Variants in RALGAPB observed in about 807,000 individuals in gnomAD.
RALGAPB encodes ral GTPase-activating protein subunit beta.
In RALGAPB, 25 loss-of-function variants were observed where a neutral mutation model predicts 161.1. The ratio of observed to expected loss-of-function variants is 0.16; its 90% CI spans 0.11 to 0.22. The LOEUF is 0.22. Ranked by LOEUF, RALGAPB falls within the 10% of genes least tolerant of loss-of-function variation. RALGAPB has a pLI of 1.00. For synonymous variants in RALGAPB, 629 were observed against 626.1 expected (o/e 1.00, Z -0.07); for missense variants, 1,391 against 1,815.2 (o/e 0.77, Z 4.25).
chr20:38,546,264 A>G lies in RALGAPB; in HGVS notation c.2736A>G (p.Ala912=), dbSNP rs1217199298. The change falls in exon 19 of 30, where the codon GCA becomes GCG. Residue 912 remains alanine, a synonymous_variant. Coordinates refer to ENST00000262879, the MANE Select transcript of RALGAPB (RefSeq NM_020336.4). The part of the protein sequence containing the change: ...TLTCIMQLLG[A]FPSPSGPASP... The stretch of plus-strand genomic sequence containing the variant: ...ATAGCATTATGCAGTTGCTCGGCGC[A>G]TTTCCTTCACCTAGTGGTCCTGCCT... 10 of 1,613,948 alleles carry G rather than the reference A, an allele frequency of 6.2e-6. No individual in the cohort carries two copies. Among genetic ancestry groups the G allele is most frequent in the Non-Finnish European group, 6.8e-6 (8 of 1,179,964 alleles).
chr20:38,553,792 A>AC, intron 21 of RALGAPB, 75 bp from the exon 22 acceptor site: 1 of 851,938 alleles, frequency 1.2e-6, no homozygotes, highest in Non-Finnish European at 1.7e-6. Context: ...AAAAAAAAAA[A>AC]AAAAAAAAAC....
intron 24 of RALGAPB, among the ~76,000 whole-genome samples, chr20:38,563,332 T>A (rs1395163362): frequency 6.6e-6 from 1 of 152,164 alleles, no homozygotes; most frequent in Non-Finnish European, 1.5e-5. Flanking sequence ...CTAACAAGCA[T>A]GTTTTGTCTA....
chr20:38,535,653 T>G (rs2086782989), intron 16 of RALGAPB, among the ~76,000 whole-genome samples: 1 of 151,788 alleles, frequency 6.6e-6, no homozygotes, highest in African/African-American at 2.4e-5. Context: ...AGCGTAGTCG[T>G]GCAAACTTGT....
chr20:38,521,645 G>A lies in RALGAPB; in HGVS notation c.1566G>A (p.Arg522=). ...GRAEACGTLC[R]IFCSKKTGEE... is the part of the protein sequence containing the mutation. ...CTGAGGCTTGTGGGACACTGTGTAGGATTTTTTGTAGCAAGAAGACTGGAG... is the reference window on the plus strand; with the variant it reads ...CTGAGGCTTGTGGGACACTGTGTAGAATTTTTTGTAGCAAGAAGACTGGAG... The change falls in exon 10 of 30, where the codon AGG becomes AGA. Residue 522 remains arginine, a synonymous_variant. Coordinates refer to ENST00000262879, the MANE Select transcript of RALGAPB (RefSeq NM_020336.4). 3.1e-6 allele frequency: 5 copies of A among 1,614,172 alleles called. No homozygotes were observed. Among genetic ancestry groups the A allele is most frequent in the Non-Finnish European group, 4.2e-6 (5 of 1,180,012 alleles).
chr20:38,516,255 C>A lies in RALGAPB; in HGVS notation c.936C>A (p.Phe312Leu), dbSNP rs1327352391. ...CTACTCCCAAATTTCAGGAACAGTTCTTGAATGTGAGCGGAATGCCGCAAG... is the reference window on the plus strand; with the variant it reads ...CTACTCCCAAATTTCAGGAACAGTTATTGAATGTGAGCGGAATGCCGCAAG... ...ISSTPKFQEQFLNVSGMPQEL... is the reference protein window; with the variant it reads ...ISSTPKFQEQLLNVSGMPQEL... Residue 312 changes from phenylalanine (F) to leucine (L), a missense_variant, in exon 7 of 30, where the codon TTC becomes TTA. Transcript: ENST00000262879. 6.2e-7 allele frequency: 1 copy of A among 1,613,468 alleles called. No individual in the cohort carries two copies. The highest frequency in any genetic ancestry group is 2.2e-5 in the East Asian group (1 of 44,864).
intron 28 of RALGAPB, among the ~76,000 whole-genome samples, chr20:38,571,285 T>C (rs1205107254): frequency 6.6e-6 from 1 of 152,222 alleles, no homozygotes; most frequent in African/African-American, 2.4e-5. Context: ...TACTGTATTA[T>C]TAGCTGTAGC....
intron 20 of RALGAPB, among the ~76,000 whole-genome samples, chr20:38,549,533 TAAAAAA>T (rs66699514): frequency 7.2e-6 from 1 of 138,594 alleles, no homozygotes; most frequent in Non-Finnish European, 1.6e-5. Context: ...CCAGCCTAAT[TAAAAAA>T]AAAAAAAAAA....
intron 27 of RALGAPB, among the ~76,000 whole-genome samples, chr20:38,570,467 C>G (rs2145533206): frequency 6.6e-6 from 1 of 152,306 alleles, no homozygotes; most frequent in South Asian, 2.1e-4. Context: ...GAAATATATA[C>G]TTGCCTAAAA....
chr20:38,550,819 G>A (rs935855209), intron 20 of RALGAPB, among the ~76,000 whole-genome samples: 1 of 152,194 alleles, frequency 6.6e-6, no homozygotes. Flanking sequence ...GCCTGCAGCA[G>A]TAGAGGTCCA....
chr20:38,513,136 C>T lies in RALGAPB; in HGVS notation c.873-3056C>T, dbSNP rs1028998518. 3.5e-4 allele frequency among the ~76,000 whole-genome samples: 53 copies of T among 151,644 alleles called. 1 individual carries two copies. The highest frequency in any genetic ancestry group is 5.3e-4 in the Non-Finnish European group (36 of 67,914). ...TAATAATAGCACTTTTGGAGGCCAA[C>T]GCGGGTAGATCACCCAAGCTTAGGA... is the stretch of plus-strand genomic sequence containing the variant. On this transcript the variant is annotated intron_variant, in intron 6 of 29. Coordinates refer to ENST00000262879, the MANE Select transcript of RALGAPB (RefSeq NM_020336.4).
chr20:38,518,128 T>G, intron 9 of RALGAPB, 128 bp downstream of exon 9: 1 of 890,240 alleles, frequency 1.1e-6, no homozygotes, highest in Non-Finnish European at 1.7e-6. Context: ...AAGCAATGTC[T>G]TGTGCTTAAC....
chr20:38,512,597 G>T (rs896581454), intron 6 of RALGAPB, among the ~76,000 whole-genome samples: 2 of 152,202 alleles, frequency 1.3e-5, no homozygotes, highest in Non-Finnish European at 2.9e-5. Context: ...ATCAGAAGTA[G>T]AACACTGTTG....
intron 1 of RALGAPB, among the ~76,000 whole-genome samples, chr20:38,488,066 A>G (rs1217742397): frequency 1.3e-5 from 2 of 151,460 alleles, no homozygotes; most frequent in Non-Finnish European, 2.9e-5. Flanking sequence ...GTCTCAAAAA[A>G]GAAAAAAAAT....
chr20:38,570,518 C>T (rs2088192030), intron 27 of RALGAPB, among the ~76,000 whole-genome samples: 1 of 152,312 alleles, frequency 6.6e-6, no homozygotes, highest in Non-Finnish European at 1.5e-5. Flanking sequence ...GTGATAGTTA[C>T]TTTTCAACCA....
intron 5 of RALGAPB, among the ~76,000 whole-genome samples, chr20:38,500,997 T>A (rs756341699): frequency 1.4e-4 from 21 of 151,984 alleles, no homozygotes; most frequent in Non-Finnish European, 2.4e-4. Flanking sequence ...GTTCATGAGG[T>A]TTAAGGAAAG....
intron 18 of RALGAPB, among the ~76,000 whole-genome samples, chr20:38,543,334 A>G (rs1216006872): frequency 2.0e-5 from 3 of 152,206 alleles, no homozygotes; most frequent in Non-Finnish European, 4.4e-5. Context: ...TACATGAGCC[A>G]GTGACTGAGT....
intron 16 of RALGAPB, among the ~76,000 whole-genome samples, chr20:38,536,591 T>C (rs2086814408): frequency 6.6e-6 from 1 of 152,230 alleles, no homozygotes; most frequent in Admixed American, 6.5e-5. Context: ...TCCCAGTGTA[T>C]GAGAGTTTCA....
chr20:38,497,335 T>A lies in RALGAPB; in HGVS notation c.390-18T>A, dbSNP rs746829604. On this transcript the variant is annotated intron_variant, in intron 3 of 29. Coordinates refer to ENST00000262879, the MANE Select transcript of RALGAPB (RefSeq NM_020336.4). ...CTCTCCTCCAGGCTTGTCAGTGATA[T>A]CTGTCTGTCTTCTTCAGACAGGAAC... 1.9e-6 allele frequency: 3 copies of A among 1,610,616 alleles called. No homozygotes were observed. The South Asian group carries it at 3.3e-5, about 18-fold the overall frequency.
At chr20:38,564,886 C>G (rs1195234893) in intron 24 of RALGAPB, among the ~76,000 whole-genome samples, 1 of 147,044 alleles carries the variant, frequency 6.8e-6, no homozygotes, top group Non-Finnish European at 1.5e-5. Context: ...CCTCCTCTTC[C>G]TCCTCCTCTT....
Sources: gnomAD v4.1 joint callset for allele counts (sites outside exome capture counted in the v4.1 genomes callset) on GRCh38, gnomAD v4.1.1 for gene constraint, MANE v1.5 for transcripts, NCBI Gene and HGNC (gene_info 2026-07-23, HGNC 2026-07-21) for gene names.